PROCR: variants seen among roughly 807,000 people sequenced by gnomAD.
PROCR encodes endothelial protein C receptor.
In PROCR, 22 loss-of-function variants were observed where a neutral mutation model predicts 24.2. The observed-to-expected ratio is 0.91, with a 90% CI of 0.65 to 1.30. PROCR has a LOEUF of 1.30. Ranked by LOEUF, PROCR falls within the 50% of genes most tolerant of loss-of-function variation. The pLI, the probability that PROCR is intolerant of heterozygous loss-of-function variation, is 0.00. For synonymous variants in PROCR, 137 were observed against 139.2 expected (o/e 0.98, Z 0.11); for missense variants, 288 against 307.7 (o/e 0.94, Z 0.48).
At chr20:35,205,949 G>A (rs368334677) in intron 1 of PROCR, among the ~76,000 whole-genome samples, 10 of 149,388 alleles carry the variant, frequency 6.7e-5, no homozygotes, top group South Asian at 2.1e-4. Context: ...GGGATTACAG[G>A]TGTGAGCCAC....
chr20:35,173,214 C>G (rs1251374779), intron 1 of PROCR, among the ~76,000 whole-genome samples: 2 of 152,088 alleles, frequency 1.3e-5, no homozygotes, highest in Non-Finnish European at 2.9e-5. Flanking sequence ...GCAGAGATTA[C>G]CAAGCATGGT....
chr20:35,197,256 C>A (rs1165393998), intron 1 of PROCR, among the ~76,000 whole-genome samples: 2 of 152,128 alleles, frequency 1.3e-5, no homozygotes, highest in African/African-American at 4.8e-5. Flanking sequence ...TCGAACTTAG[C>A]CCAAACTTTT....
intron 1 of PROCR, among the ~76,000 whole-genome samples, chr20:35,200,145 T>C (rs1290159388): frequency 6.6e-6 from 1 of 152,240 alleles, no homozygotes; most frequent in Non-Finnish European, 1.5e-5. Flanking sequence ...AATCTACTCC[T>C]GTTGAAGATA....
chr20:35,202,009 G>A (rs1354843109), intron 1 of PROCR: 1 of 151,920 alleles, frequency 6.6e-6, no homozygotes, highest in East Asian at 1.9e-4. Context: ...ACAAATAGAT[G>A]GAAATCAAAA....
intron 1 of PROCR, among the ~76,000 whole-genome samples, chr20:35,199,666 T>G (rs2060311708): frequency 1.3e-5 from 2 of 151,216 alleles, no homozygotes; most frequent in Admixed American, 6.6e-5. Flanking sequence ...GAGAATCGCT[T>G]GAACCTGCGA....
chr20:35,199,004 A>T (rs1472024890), intron 1 of PROCR, among the ~76,000 whole-genome samples: 1 of 152,042 alleles, frequency 6.6e-6, no homozygotes, highest in African/African-American at 2.4e-5. Flanking sequence ...ATGAGCCACC[A>T]TGCCCAGCCA....
chr20:35,182,684 G>A (rs6060285), intron 1 of PROCR, among the ~76,000 whole-genome samples: 3 of 151,932 alleles, frequency 2.0e-5, no homozygotes, highest in Non-Finnish European at 4.4e-5. Flanking sequence ...ATAAAAATGT[G>A]ATGTTATGTG....
rs751558696 is a variant in PROCR at position 35,174,932 on chromosome 20, C to A, written c.301C>A (p.His101Asn). The A allele has an allele frequency of 1.9e-6, 3 of 1,583,074 alleles. No individual in the cohort carries two copies. The highest frequency in any genetic ancestry group is 2.6e-6 in the Non-Finnish European group (3 of 1,166,018). Residue 101 changes from histidine (H) to asparagine (N), a missense_variant, in exon 2 of 4, where the codon CAC (histidine) becomes AAC (asparagine). Coordinates refer to ENST00000216968, the MANE Select transcript of PROCR (RefSeq NM_006404.5). ...LQFHGLVRLV[H>N]QERTLAFPLT... The stretch of plus-strand genomic sequence containing the variant: ...GTTCCACGGCCTCGTGCGCCTGGTG[C>A]ACCAGGAGCGGACCTTGGCCTGTGA...
downstream of PROCR, among the ~76,000 whole-genome samples, chr20:35,178,507 G>GTTTTGTTTTTTTTTTTTTTTTTTTT (rs1272557859): frequency 2.9e-5 from 1 of 34,372 alleles, no homozygotes; most frequent in African/African-American, 1.8e-4. Flanking sequence ...TCAAGTCTCA[G>GTTTTGTTTTTTTTTTTTTTTTTTTT]TTTTTTTTTT....
chr20:35,179,128 G>T (rs1282164724), downstream of PROCR, among the ~76,000 whole-genome samples: 3 of 150,808 alleles, frequency 2.0e-5, no homozygotes, highest in Non-Finnish European at 4.4e-5. Context: ...AGCTCCTCGG[G>T]AGGCTGAGGC....
At chr20:35,175,335 C>G (rs2086001105) in intron 2 of PROCR, among the ~76,000 whole-genome samples, 1 of 147,050 alleles carries the variant, frequency 6.8e-6, no homozygotes, top group African/African-American at 2.5e-5. Context: ...TCACCCCCCA[C>G]CCTCCAGCCA....
At chr20:35,185,030 C>CA (rs55715132) in intron 1 of PROCR, among the ~76,000 whole-genome samples, 4,574 of 104,028 alleles carry the variant, frequency 0.044, 152 homozygotes, top group Admixed American at 0.13. Flanking sequence ...ATCAGTAAGA[C>CA]AAAAAAAAAA....
In PROCR at chr20:35,176,174, T is replaced by TGACC. The variant is rs1394758697; in HGVS notation, c.330_333dup (p.Ile112AspfsTer9). On this transcript the variant is annotated frameshift_variant, in exon 3 of 4. Transcript: ENST00000216968. LOFTEE classifies it high-confidence loss of function. ...CCTGACTGTCTATCCACAGTTCCTC[T>TGACC]GACCATCCGCTGCTTCCTGGGCTGT... 1 of 1,613,922 alleles carries TGACC rather than the reference T, an allele frequency of 6.2e-7. No individual in the cohort carries two copies. The highest frequency in any genetic ancestry group is 8.5e-7 in the Non-Finnish European group (1 of 1,179,918).
upstream of PROCR, among the ~76,000 whole-genome samples, chr20:35,171,602 T>C (rs562697076): frequency 6.6e-6 from 1 of 152,358 alleles, no homozygotes; most frequent in African/African-American, 2.4e-5. Flanking sequence ...GTAATTGTTA[T>C]TTACTTAAAA....
chr20:35,173,255 G>C (rs2085967702), intron 1 of PROCR, among the ~76,000 whole-genome samples: 1 of 151,952 alleles, frequency 6.6e-6, no homozygotes, highest in African/African-American at 2.4e-5. Context: ...AGTGTGGCCT[G>C]TGTGTGTTTG....
intron 1 of PROCR, among the ~76,000 whole-genome samples, chr20:35,201,369 G>A (rs779178911): frequency 1.3e-5 from 2 of 152,134 alleles, no homozygotes; most frequent in African/African-American, 2.4e-5. Flanking sequence ...CTTTAAAAAT[G>A]TAAATGGTCT....
rs570201591 is a variant in PROCR at position 35,184,473 on chromosome 20, G to A, written c.94+8027G>A. ...TCCTAGCACTTTGGGAGGCCGAGGC[G>A]GGCAGATCACGAGGTCAGGAGATTG... On this transcript the variant is annotated intron_variant, in intron 1 of 1. Coordinates refer to the PROCR transcript ENST00000634509. Among the ~76,000 whole-genome samples, 13 of 151,904 alleles carry A rather than the reference G, an allele frequency of 8.6e-5. No homozygotes were observed. The East Asian group carries it at 1.4e-3, about 16-fold the overall frequency.
At chr20:35,181,743 C>A (rs555259710), downstream of PROCR, among the ~76,000 whole-genome samples, 11 of 152,282 alleles carry the variant, frequency 7.2e-5, no homozygotes, top group South Asian at 2.1e-3. Flanking sequence ...TCATTCTCCC[C>A]AAATCCTTAC....
chr20:35,193,879 A>G (rs1347338033), intron 1 of PROCR, among the ~76,000 whole-genome samples: 1 of 152,232 alleles, frequency 6.6e-6, no homozygotes, highest in Non-Finnish European at 1.5e-5. Context: ...GGATCACCTA[A>G]GGAATAGTCT....
Sources: gnomAD v4.1 joint callset for allele counts (sites outside exome capture counted in the v4.1 genomes callset) on GRCh38, gnomAD v4.1.1 for gene constraint, MANE v1.5 for transcripts, NCBI Gene and HGNC (gene_info 2026-07-23, HGNC 2026-07-21) for gene names.